The following NPAS3 variants were observed in gnomAD, a reference collection of about 807,000 sequenced individuals.
NPAS3 encodes neuronal PAS domain protein 3.
NPAS3 carries 14 observed loss-of-function variants against 73.1 expected under a neutral mutation model. The observed-to-expected ratio is 0.19, with a 90% CI of 0.13 to 0.30. The LOEUF (loss-of-function observed/expected upper bound fraction) is 0.30. Ranked by LOEUF, NPAS3 falls within the 10% of genes least tolerant of loss-of-function variation. The pLI, the probability that NPAS3 is intolerant of heterozygous loss-of-function variation, is 1.00. For synonymous variants in NPAS3, 620 were observed against 541.5 expected, an observed-to-expected ratio of 1.14 and a Z score of -2.01; for missense variants, 1,096 against 1,250.0, an observed-to-expected ratio of 0.88 and a Z score of 1.86.
At chr14:33,458,005 T>C (rs748174975) in intron 4 of NPAS3, among the ~76,000 whole-genome samples, 1 of 152,170 alleles carries the variant, frequency 6.6e-6, no homozygotes, top group African/African-American at 2.4e-5. Flanking sequence ...TTGATGTGTT[T>C]TTACATCTGG....
chr14:33,381,016 A>G (rs1380203308), intron 4 of NPAS3, among the ~76,000 whole-genome samples: 4 of 149,648 alleles, frequency 2.7e-5, no homozygotes, highest in Non-Finnish European at 5.9e-5. Flanking sequence ...TTTTTTTTGT[A>G]AGTGGGAAGT....
At chr14:33,650,941 G>T (rs1458514676) in intron 5 of NPAS3, among the ~76,000 whole-genome samples, 2 of 152,174 alleles carry the variant, frequency 1.3e-5, no homozygotes, top group Non-Finnish European at 2.9e-5. Flanking sequence ...GAGGATTCCA[G>T]CCACATGGAA....
chr14:33,308,527 T>TATATATATATATATATATACACACAC, intron 3 of NPAS3, among the ~76,000 whole-genome samples: 61 of 103,648 alleles, frequency 5.9e-4, no homozygotes, highest in Middle Eastern at 4.4e-3. Context: ...TATATATATA[T>TATATATATATATATATATACACACAC]ACATACACAC....
chr14:33,643,428 CTG>C (rs1183967002), intron 5 of NPAS3, among the ~76,000 whole-genome samples: 1 of 136,622 alleles, frequency 7.3e-6, no homozygotes, highest in Non-Finnish European at 1.6e-5. Flanking sequence ...GGGCAAGAGA[CTG>C]TGTAAAGTTA....
At chr14:33,166,220 T>C (rs897976311) in intron 2 of NPAS3, among the ~76,000 whole-genome samples, 9 of 152,252 alleles carry the variant, frequency 5.9e-5, no homozygotes, top group African/African-American at 2.2e-4. Flanking sequence ...ATCAAGGGGC[T>C]TCACCTTTTC....
At chr14:33,328,648 G>A (rs1184977422) in intron 3 of NPAS3, among the ~76,000 whole-genome samples, 2 of 150,926 alleles carry the variant, frequency 1.3e-5, no homozygotes, top group Non-Finnish European at 3.0e-5. Flanking sequence ...TAGGAGAGAC[G>A]GGGTTTCACT....
intron 4 of NPAS3, among the ~76,000 whole-genome samples, chr14:33,384,161 C>CA (rs67934119): frequency 0.28 from 41,899 of 151,874 alleles, 6,512 homozygotes; most frequent in African/African-American, 0.41. Context: ...AAGAAGCAAT[C>CA]AGCTTCATTT....
chr14:33,732,820 C>CCTG (rs1284471619), intron 6 of NPAS3, among the ~76,000 whole-genome samples: 1 of 152,146 alleles, frequency 6.6e-6, no homozygotes, highest in African/African-American at 2.4e-5. Context: ...GTGCCATACT[C>CCTG]CTGCCTCATT....
intron 2 of NPAS3, among the ~76,000 whole-genome samples, chr14:33,150,153 A>G (rs1198045715): frequency 6.6e-6 from 1 of 152,170 alleles, no homozygotes; most frequent in Non-Finnish European, 1.5e-5. Context: ...TCCATGGTGT[A>G]CATGTGCCAC....
intron 4 of NPAS3, among the ~76,000 whole-genome samples, chr14:33,543,688 C>T (rs1296727339): frequency 6.6e-6 from 1 of 152,116 alleles, no homozygotes; most frequent in African/African-American, 2.4e-5. Flanking sequence ...TCATCTCAAT[C>T]AGAGAGGACA....
rs1473213561 is a variant in NPAS3, at chr14:33,800,782, C to T, written c.2475C>T (p.Thr825=). Residue 825 remains threonine (T), a synonymous_variant, in exon 12 of 12, where the codon ACC becomes ACT. Transcript: ENST00000356141. This position sits in a 1 kb window ranked among gnomAD's most constrained non-coding sequence, Gnocchi z 6.5. ...GCACGGCCGCGCAGAGGGTCTACAC[C>T]ACGGGCACCATCCGCTACGCGCCCG... 6.3e-7 allele frequency: 1 copy of T among 1,582,026 alleles called. No individual in the cohort carries two copies. Among genetic ancestry groups the T allele is most frequent in the Non-Finnish European group, 8.6e-7 (1 of 1,165,494 alleles).
intron 6 of NPAS3, among the ~76,000 whole-genome samples, chr14:33,696,448 C>T (rs563810006): frequency 4.6e-5 from 7 of 152,272 alleles, no homozygotes; most frequent in East Asian, 1.9e-4. Flanking sequence ...ATAATAAACA[C>T]GAGAGTGCTT....
intron 2 of NPAS3, among the ~76,000 whole-genome samples, chr14:33,199,853 T>C (rs576425644): frequency 4.0e-4 from 61 of 152,166 alleles, no homozygotes; most frequent in African/African-American, 1.4e-3. Flanking sequence ...TCATGACTTT[T>C]AAGGACATTC....
In NPAS3 at chr14:33,636,764, G is replaced by A. The variant is rs528914647; in HGVS notation, c.559-39447G>A. On this transcript the variant is annotated intron_variant, in intron 5 of 11. Transcript: ENST00000356141. Reference sequence around the variant, plus strand: ...CCAGAAACCCACTGCCTGGCACACCGGGGCCCTAAATTGCCAATTTCAAAA... The same window carrying A: ...CCAGAAACCCACTGCCTGGCACACCAGGGCCCTAAATTGCCAATTTCAAAA... 1.4e-4 allele frequency among the ~76,000 whole-genome samples: 22 copies of A among 152,172 alleles called. 1 individual carries two copies. The South Asian group carries it at 2.3e-3, about 16-fold the overall frequency.
At chr14:33,203,965 C>T (rs1213462721) in intron 2 of NPAS3, among the ~76,000 whole-genome samples, 4 of 152,196 alleles carry the variant, frequency 2.6e-5, no homozygotes, top group Non-Finnish European at 5.9e-5. Context: ...AATTTCTCCA[C>T]ATCCTCTCCA....
At chr14:33,364,518 TATAAATCAAGAG>T (rs1278725753) in intron 3 of NPAS3, among the ~76,000 whole-genome samples, 7 of 152,132 alleles carry the variant, frequency 4.6e-5, no homozygotes, top group African/African-American at 1.7e-4. Flanking sequence ...GTGCAAAACA[TATAAATCAAGAG>T]AAGTTCCAGT....
chr14:33,527,522 T>C (rs1184451018), intron 4 of NPAS3, among the ~76,000 whole-genome samples: 1 of 152,200 alleles, frequency 6.6e-6, no homozygotes, highest in African/African-American at 2.4e-5. Flanking sequence ...CGTTTCTTTC[T>C]GTGTATGATT....
chr14:33,119,415 G>A (rs2043163037), intron 2 of NPAS3, among the ~76,000 whole-genome samples: 1 of 152,060 alleles, frequency 6.6e-6, no homozygotes, highest in Non-Finnish European at 1.5e-5. Flanking sequence ...GGAGGAGGGA[G>A]GAAAACAAGA....
chr14:33,800,007 T>A lies in NPAS3; in HGVS notation c.1700T>A (p.Leu567Gln). The change falls in exon 12 of 12, where the codon CTG (leucine) becomes CAG (glutamine). Residue 567 changes from leucine to glutamine, a missense_variant. Around this residue, in one of 5 missense-constraint regions of NPAS3, gnomAD observed 698 missense variants for 676.7 expected, o/e 1.03. Coordinates refer to ENST00000356141, the Ensembl canonical transcript of NPAS3. The surrounding 1 kb of genome is among the most constrained non-coding windows in gnomAD (Gnocchi z 6.5). Reference sequence around the variant, plus strand: ...CGCTACGTGGAGAGCGAGTCGGACCTGCGGCTGCAGAACTGCGAGTCACTC... The same window carrying A: ...CGCTACGTGGAGAGCGAGTCGGACCAGCGGCTGCAGAACTGCGAGTCACTC... 6.2e-7 allele frequency: 1 copy of A among 1,612,402 alleles called. No homozygotes were observed.
Sources: gnomAD v4.1 joint callset for allele counts (sites outside exome capture counted in the v4.1 genomes callset) on GRCh38, gnomAD v4.1.1 for gene constraint, gnomAD v4.1.1 regional missense constraint, Gnocchi (gnomAD v3.1) non-coding constraint, MANE v1.5 for transcripts, NCBI Gene and HGNC (gene_info 2026-07-23, HGNC 2026-07-21) for gene names.